TRPM3: variants seen among roughly 807,000 people sequenced by gnomAD.
TRPM3 encodes transient receptor potential cation channel subfamily M member 3, also known as long transient receptor potential channel 3.
In TRPM3, 77 loss-of-function variants were observed where a neutral mutation model predicts 181.2. The ratio of observed to expected loss-of-function variants is 0.42; its 90% CI spans 0.35 to 0.51. TRPM3 has a LOEUF of 0.51. TRPM3 is among the 20% of genes least tolerant of loss of function. TRPM3 has a pLI of 0.01. For synonymous variants in TRPM3, 745 were observed against 796.4 expected, an observed-to-expected ratio of 0.94 and a Z score of 1.09; for missense variants, 1,759 against 2,196.7, an observed-to-expected ratio of 0.80 and a Z score of 3.98.
chr9:70,606,239 G>A (rs1823767920), intron 19 of TRPM3, among the ~76,000 whole-genome samples: 1 of 152,032 alleles, frequency 6.6e-6, no homozygotes. Context: ...CACTGTAGAG[G>A]CCCAATAAAT....
In TRPM3 at chr9:70,843,144, A is replaced by C; in HGVS notation, c.677-17T>G. 2 of 1,594,628 alleles carry C rather than the reference A, an allele frequency of 1.3e-6. No homozygotes were observed. The highest frequency in any genetic ancestry group is 1.7e-6 in the Non-Finnish European group (2 of 1,174,550). ...GAATAACACCTAAAAAAAAAAGAGAAGCATTGATTTTTTCTTTTAAAGCAA... is the reference window on the plus strand; with the variant it reads ...GAATAACACCTAAAAAAAAAAGAGACGCATTGATTTTTTCTTTTAAAGCAA... On this transcript the variant is annotated splice_polypyrimidine_tract_variant and intron_variant, in intron 4 of 25. Coordinates refer to ENST00000677713, the MANE Select transcript of TRPM3 (RefSeq NM_001366145.2).
chr9:70,868,818 C>G (rs931199288), intron 1 of TRPM3, among the ~76,000 whole-genome samples: 11 of 152,036 alleles, frequency 7.2e-5, no homozygotes, highest in African/African-American at 2.7e-4. Context: ...AATGTATACC[C>G]TGTCTTCATC....
intron 1 of TRPM3, among the ~76,000 whole-genome samples, chr9:70,988,541 G>A (rs2097444309): frequency 6.6e-6 from 1 of 152,140 alleles, no homozygotes; most frequent in Non-Finnish European, 1.5e-5. Context: ...TATTTTGGTA[G>A]GCAGAATTTT....
chr9:70,615,975 T>G lies in TRPM3; in HGVS notation c.2459A>C (p.Gln820Pro), dbSNP rs1393989600. 1.9e-6 allele frequency: 3 copies of G among 1,613,442 alleles called. No individual in the cohort carries two copies. In the South Asian group the frequency reaches 3.3e-5, roughly 18 times the overall value. The change falls in exon 18 of 26, where the codon CAA becomes CCA. Residue 820 changes from glutamine (Q) to proline (P), a missense_variant. Around this residue, in one of 8 missense-constraint regions of TRPM3, gnomAD observed 114 missense variants for 134.8 expected, o/e 0.85. Coordinates refer to ENST00000677713, the MANE Select transcript of TRPM3 (RefSeq NM_001366145.2). Reference sequence around the variant, plus strand: ...CTCTGGTTCTTCTGCCTCCTTCTCTTGGAGGTGGATTTCCTGGGCCTGAGA... The same window carrying G: ...CTCTGGTTCTTCTGCCTCCTTCTCTGGGAGGTGGATTTCCTGGGCCTGAGA... ...YMSQAQEIHL[Q>P]EKEAEEPEKP...
intron 1 of TRPM3, among the ~76,000 whole-genome samples, chr9:71,372,761 A>G (rs1415116612): frequency 6.6e-6 from 1 of 152,172 alleles, no homozygotes; most frequent in East Asian, 1.9e-4. Context: ...CAATTCAAAG[A>G]CACCAAATGG....
chr9:71,357,686 T>C lies in TRPM3; in HGVS notation c.183+88967A>G, dbSNP rs77361065. 4.0e-4 allele frequency among the ~76,000 whole-genome samples: 61 copies of C among 152,056 alleles called. 1 individual carries two copies. In the East Asian group the frequency reaches 0.012, roughly 29 times the overall value. ...ATGCTGTCTGCTCACTGGGATGATA[T>C]TCTAAGTAGGTCTAACTGCATCATT... is the stretch of plus-strand genomic sequence containing the variant. On this transcript the variant is annotated intron_variant, in intron 1 of 24. Transcript: ENST00000357533.
chr9:70,951,104 T>G (rs1392080294), intron 1 of TRPM3, among the ~76,000 whole-genome samples: 2 of 152,154 alleles, frequency 1.3e-5, no homozygotes, highest in African/African-American at 2.4e-5. Flanking sequence ...TCTATTATTA[T>G]GTAAGTAATC....
chr9:71,400,400 T>C (rs2093314608), intron 1 of TRPM3, among the ~76,000 whole-genome samples: 1 of 152,192 alleles, frequency 6.6e-6, no homozygotes, highest in South Asian at 2.1e-4. Context: ...TACTTTGACA[T>C]TCACTGGGAT....
chr9:71,295,295 A>T (rs2086162223), intron 1 of TRPM3, among the ~76,000 whole-genome samples: 2 of 152,162 alleles, frequency 1.3e-5, no homozygotes, highest in African/African-American at 4.8e-5. Context: ...AATAGAAATT[A>T]AAAATTATGG....
intron 1 of TRPM3, among the ~76,000 whole-genome samples, chr9:71,108,035 T>C (rs984427236): frequency 1.3e-5 from 2 of 152,200 alleles, no homozygotes; most frequent in African/African-American, 2.4e-5. Flanking sequence ...CGGGGACATC[T>C]GAACACATCC....
chr9:70,573,049 A>C (rs2052887560), intron 22 of TRPM3, among the ~76,000 whole-genome samples: 2 of 152,212 alleles, frequency 1.3e-5, no homozygotes, highest in East Asian at 3.8e-4. Context: ...ATAATGTCCT[A>C]ATTTTAAATA....
intron 8 of TRPM3, among the ~76,000 whole-genome samples, chr9:70,691,470 C>T (rs188118644): frequency 1.9e-4 from 29 of 152,290 alleles, no homozygotes; most frequent in African/African-American, 7.0e-4. Context: ...CTTATAGATT[C>T]AAGCACACTC....
At chr9:71,053,571 T>C (rs984473288) in intron 1 of TRPM3, among the ~76,000 whole-genome samples, 1 of 152,122 alleles carries the variant, frequency 6.6e-6, no homozygotes, top group Admixed American at 6.6e-5. Context: ...AAAATTCCAC[T>C]GCCCAATTTT....
chr9:71,107,539 G>C, intron 1 of TRPM3, among the ~76,000 whole-genome samples: 1 of 151,960 alleles, frequency 6.6e-6, no homozygotes, highest in East Asian at 1.9e-4. Context: ...TGTTCTTTTC[G>C]TCTTTGAATT....
At chr9:70,965,419 T>C (rs1465506099) in intron 1 of TRPM3, among the ~76,000 whole-genome samples, 3 of 152,032 alleles carry the variant, frequency 2.0e-5, no homozygotes, top group African/African-American at 7.2e-5. Flanking sequence ...TTCAGTGTAG[T>C]CAGGAAGTAC....
At chr9:70,849,918 T>A (rs1437461263) in intron 3 of TRPM3, among the ~76,000 whole-genome samples, 2 of 152,194 alleles carry the variant, frequency 1.3e-5, no homozygotes, top group Non-Finnish European at 2.9e-5. Context: ...AAAGTATATT[T>A]GAAATATATT....
chr9:71,030,712 C>T (rs1445057196), intron 1 of TRPM3, among the ~76,000 whole-genome samples: 1 of 152,106 alleles, frequency 6.6e-6, no homozygotes, highest in Non-Finnish European at 1.5e-5. Flanking sequence ...ATTATGCTAG[C>T]TTTGTCACAA....
intron 1 of TRPM3, among the ~76,000 whole-genome samples, chr9:71,202,632 G>A (rs925222201): frequency 2.6e-5 from 4 of 152,118 alleles, no homozygotes; most frequent in East Asian, 1.9e-4. Context: ...CCAGGTACTC[G>A]GACAGTGCAG....
intron 1 of TRPM3, among the ~76,000 whole-genome samples, chr9:71,305,663 A>G (rs954221682): frequency 5.9e-5 from 9 of 152,190 alleles, no homozygotes; most frequent in African/African-American, 2.2e-4. Context: ...GAAAAGCACA[A>G]TTCCCCAAAA....
Sources: gnomAD v4.1 joint callset for allele counts (sites outside exome capture counted in the v4.1 genomes callset) on GRCh38, gnomAD v4.1.1 for gene constraint, gnomAD v4.1.1 regional missense constraint, MANE v1.5 for transcripts, NCBI Gene and HGNC (gene_info 2026-07-23, HGNC 2026-07-21) for gene names.